EYS: variants seen among roughly 807,000 people sequenced by gnomAD.
EYS encodes the protein protein eyes shut homolog.
EYS carries 250 observed loss-of-function variants against 282.1 expected under a neutral mutation model. The observed-to-expected ratio is 0.89, with a 90% CI of 0.80 to 0.98. EYS has a LOEUF of 0.98. EYS is among the 50% of genes least tolerant of loss of function. EYS has a pLI of 0.00. For synonymous variants in EYS, 1,355 were observed against 1,282.9 expected, an observed-to-expected ratio of 1.06 and a Z score of -1.20; for missense variants, 4,016 against 3,709.0, an observed-to-expected ratio of 1.08 and a Z score of -2.15.
intron 2 of EYS, among the ~76,000 whole-genome samples, chr6:65,540,901 G>A (rs1405726442): frequency 6.6e-6 from 1 of 152,062 alleles, no homozygotes; most frequent in Non-Finnish European, 1.5e-5. Flanking sequence ...CTCCAACCTA[G>A]GCAACAGTGC....
intron 2 of EYS, among the ~76,000 whole-genome samples, chr6:65,531,455 G>A (rs1199787079): frequency 1.3e-5 from 2 of 152,152 alleles, no homozygotes; most frequent in Non-Finnish European, 2.9e-5. Context: ...CAAGAAAGAA[G>A]ATACAGTGTG....
intron 35 of EYS, among the ~76,000 whole-genome samples, chr6:63,876,277 C>T (rs1004972735): frequency 2.0e-5 from 3 of 152,128 alleles, no homozygotes; most frequent in South Asian, 2.1e-4. Flanking sequence ...TGTAGTTGAG[C>T]GGTTTTGACT....
At chr6:65,421,703 C>G (rs1767464803) in intron 5 of EYS, among the ~76,000 whole-genome samples, 1 of 151,846 alleles carries the variant, frequency 6.6e-6, no homozygotes, top group South Asian at 2.1e-4. Flanking sequence ...GTGACTTTTC[C>G]TTTCACTGAA....
At chr6:65,207,114 A>T (rs966216561) in intron 12 of EYS, among the ~76,000 whole-genome samples, 1 of 151,776 alleles carries the variant, frequency 6.6e-6, no homozygotes, top group Admixed American at 6.6e-5. Context: ...ATGGTTTTAT[A>T]ACTAGAACCC....
At chr6:64,339,763 A>G (rs1396102228) in intron 29 of EYS, among the ~76,000 whole-genome samples, 1 of 151,852 alleles carries the variant, frequency 6.6e-6, no homozygotes, top group African/African-American at 2.4e-5. Flanking sequence ...GACCTGGATG[A>G]GATTGGAGAC....
intron 26 of EYS, among the ~76,000 whole-genome samples, chr6:64,549,713 C>T (rs116839332): frequency 0.011 from 1,700 of 150,832 alleles, 40 homozygotes; most frequent in African/African-American, 0.04. Flanking sequence ...CTCCTTACGC[C>T]TTCCTACAGC....
chr6:64,791,771 A>C (rs938727789), intron 22 of EYS, among the ~76,000 whole-genome samples: 2 of 151,898 alleles, frequency 1.3e-5, no homozygotes, highest in African/African-American at 4.8e-5. Flanking sequence ...CACATATTAA[A>C]GGAAAAATTA....
In EYS at chr6:65,642,130, T is replaced by C. The variant is rs377478706; in HGVS notation, c.-447-2238A>G. Among the ~76,000 whole-genome samples, 362 of 152,292 alleles carry C rather than the reference T, an allele frequency of 2.4e-3. 2 individuals are homozygous for C. Among genetic ancestry groups the C allele is most frequent in the African/African-American group, 8.6e-3 (357 of 41,564 alleles). ...CTGAGAGGTACTCAATACATATTTG[T>C]TGAATAAAAGCATGGCCAAAAAAGG... On this transcript the variant is annotated intron_variant, in intron 1 of 42. Transcript: ENST00000503581.
At chr6:64,718,090 A>T (rs1318146459) in intron 22 of EYS, among the ~76,000 whole-genome samples, 1 of 152,196 alleles carries the variant, frequency 6.6e-6, no homozygotes, top group Non-Finnish European at 1.5e-5. Context: ...ACACAAATTT[A>T]TTCTAGTGTA....
At chr6:64,380,009 T>C (rs1446847331) in intron 29 of EYS, among the ~76,000 whole-genome samples, 1 of 152,174 alleles carries the variant, frequency 6.6e-6, no homozygotes, top group African/African-American at 2.4e-5. Flanking sequence ...GTTTCAAGCC[T>C]GGTATTTTTT....
At chr6:65,429,080 T>G (rs113275550) in intron 5 of EYS, among the ~76,000 whole-genome samples, 7 of 151,892 alleles carry the variant, frequency 4.6e-5, no homozygotes, top group African/African-American at 1.7e-4. Context: ...CTCGGGAGGC[T>G]GAGGCAGAAG....
chr6:64,703,424 TATA>T (rs1208235070), intron 22 of EYS, among the ~76,000 whole-genome samples: 4 of 58,722 alleles, frequency 6.8e-5, no homozygotes, highest in African/African-American at 2.1e-4. Context: ...TATATATATA[TATA>T]TATTTTTTTT....
chr6:64,079,054 G>C (rs1771868117), intron 32 of EYS, among the ~76,000 whole-genome samples: 1 of 152,032 alleles, frequency 6.6e-6, no homozygotes, highest in Non-Finnish European at 1.5e-5. Context: ...TGCAAAGCTA[G>C]AAAATCACTT....
intron 36 of EYS, among the ~76,000 whole-genome samples, chr6:63,812,886 T>C (rs894951467): frequency 6.6e-6 from 1 of 152,226 alleles, no homozygotes; most frequent in Non-Finnish European, 1.5e-5. Context: ...TAATATGGAA[T>C]CTTAATTCTT....
At position 64,259,376 on chromosome 6, in the gene EYS, T is replaced by TTATAAAC. The variant is rs1767506216; in HGVS notation, c.6192-28559_6192-28553dup. 2.0e-5 allele frequency among the ~76,000 whole-genome samples: 3 copies of TTATAAAC among 152,154 alleles called. No individual in the cohort carries two copies. In the South Asian group the frequency reaches 6.2e-4, roughly 32 times the overall value. ...CCTCCCTTTTCTTAGAGCATTTACT[T>TTATAAAC]TATAAACCTTTTAATTGGAAATTAT... On this transcript the variant is annotated intron_variant, in intron 30 of 42. Coordinates refer to ENST00000503581, the MANE Select transcript of EYS (RefSeq NM_001142800.2).
chr6:63,848,525 C>T (rs981308374), intron 36 of EYS, among the ~76,000 whole-genome samples: 7 of 151,654 alleles, frequency 4.6e-5, no homozygotes, highest in Non-Finnish European at 1.0e-4. Context: ...TGGGTGCAGT[C>T]CACGGAGGGC....
chr6:64,443,109 A>T (rs1775003449), intron 26 of EYS, among the ~76,000 whole-genome samples: 1 of 152,194 alleles, frequency 6.6e-6, no homozygotes, highest in Non-Finnish European at 1.5e-5. Context: ...ACAGTTGTGG[A>T]GGTGCCCAAG....
intron 28 of EYS, among the ~76,000 whole-genome samples, chr6:64,390,030 C>T (rs1346012059): frequency 2.7e-5 from 4 of 150,562 alleles, no homozygotes; most frequent in African/African-American, 4.9e-5. Context: ...CCTGGAAAAT[C>T]GGGTCACTCC....
intron 8 of EYS, among the ~76,000 whole-genome samples, chr6:65,358,940 T>C: frequency 6.6e-6 from 1 of 152,072 alleles, no homozygotes; most frequent in Non-Finnish European, 1.5e-5. Context: ...ATTCAGCATT[T>C]GATCTATTTC....
Sources: allele counts gnomAD v4.1 joint callset (sites outside exome capture counted in the v4.1 genomes callset), GRCh38; gene constraint gnomAD v4.1.1; transcripts MANE v1.5; gene names NCBI Gene and HGNC (gene_info 2026-07-23, HGNC 2026-07-21).